Variants in LRRC1 observed in about 807,000 individuals in gnomAD.
The protein encoded by LRRC1 is leucine rich repeat containing 1.
In LRRC1, 28 loss-of-function variants were observed where a neutral mutation model predicts 69.9. That is an observed-to-expected ratio of 0.40 (90% CI 0.30 to 0.55). The LOEUF (loss-of-function observed/expected upper bound fraction) is 0.55, where lower values mean the gene tolerates loss of function less well. Ranked by LOEUF, LRRC1 falls within the 20% of genes least tolerant of loss-of-function variation. The probability of loss-of-function intolerance (pLI) is 0.47; values close to 1 mark genes in which losing one functional copy is unlikely to be tolerated. For missense variants in LRRC1, 498 were observed against 609.0 expected (o/e 0.82, Z 1.92); for synonymous variants, 236 against 240.2 (o/e 0.98, Z 0.16).
intron 10 of LRRC1, among the ~76,000 whole-genome samples, chr6:53,911,073 C>T (rs973626378): frequency 6.6e-6 from 1 of 152,172 alleles, no homozygotes; most frequent in Non-Finnish European, 1.5e-5. Context: ...CAATAGAGAT[C>T]AGGAGGTCAC....
At chr6:53,862,929 T>G (rs899847101) in intron 2 of LRRC1, among the ~76,000 whole-genome samples, 1 of 152,228 alleles carries the variant, frequency 6.6e-6, no homozygotes, top group African/African-American at 2.4e-5. Context: ...CAGATATTTT[T>G]AAGCAGGATT....
chr6:53,859,256 G>A (rs1766417570), intron 2 of LRRC1, among the ~76,000 whole-genome samples: 1 of 152,298 alleles, frequency 6.6e-6, no homozygotes, highest in Non-Finnish European at 1.5e-5. Context: ...TTGGATTATG[G>A]CCTGTTTTCC....
chr6:53,865,399 T>G (rs1554183554), intron 2 of LRRC1, among the ~76,000 whole-genome samples: 1 of 152,032 alleles, frequency 6.6e-6, no homozygotes, highest in Non-Finnish European at 1.5e-5. Flanking sequence ...ATGGGGAAAT[T>G]GTTTATCTTG....
chr6:53,797,140 G>T (rs1018621085), intron 1 of LRRC1, among the ~76,000 whole-genome samples: 1 of 151,762 alleles, frequency 6.6e-6, no homozygotes, highest in Non-Finnish European at 1.5e-5. Context: ...GGGGAATTCA[G>T]CTTGGCATGG....
chr6:53,895,127 C>T (rs372415708), intron 4 of LRRC1, among the ~76,000 whole-genome samples: 1 of 151,782 alleles, frequency 6.6e-6, no homozygotes. Context: ...CCGTGTTAGC[C>T]GGGATGGTCT....
In LRRC1 at chr6:53,923,360, ATTTGTT is replaced by A. The variant is rs1768795813; in HGVS notation, c.*571_*576del. The A allele has an allele frequency of 6.6e-6, 1 of 152,650 alleles. No individual in the cohort carries two copies. The highest frequency in any genetic ancestry group is 6.5e-5 in the Admixed American group (1 of 15,280). 9.5% of individuals were successfully genotyped at this position (152,650 alleles called of 1,614,324 possible). A position where few individuals can be genotyped will look rare whatever the true frequency, so the allele number is the denominator to read the frequency against. ...TGTGCAGAAAAACAAGTCCTAAAGT[ATTTGTT>A]TTTATTTGTACCATCCACTTGTGCC... is the stretch of plus-strand genomic sequence containing the variant. On this transcript the variant is annotated 3_prime_UTR_variant, in exon 14 of 14. Transcript: ENST00000370888.
At position 53,811,078 on chromosome 6, in the gene LRRC1, G is replaced by A. The variant is rs187306669; in HGVS notation, c.159+15663G>A. ...TTAATCACAGAAATGCTCAAAAAGC[G>A]TATTTTTTTCATTAAAAAATATATT... On this transcript the variant is annotated intron_variant, in intron 1 of 13. Coordinates refer to ENST00000370888, the MANE Select transcript of LRRC1 (RefSeq NM_018214.5). 5.9e-5 allele frequency among the ~76,000 whole-genome samples: 9 copies of A among 152,254 alleles called. No individual in the cohort carries two copies. In the East Asian group the frequency reaches 9.6e-4, roughly 16 times the overall value.
intron 7 of LRRC1, 56 bp from the exon 8 acceptor site, chr6:53,899,691 C>T (rs1562066107): frequency 2.6e-6 from 4 of 1,557,302 alleles, no homozygotes; most frequent in Non-Finnish European, 3.5e-6. Context: ...GGAACAAATG[C>T]CTCTGCACTG....
chr6:53,804,959 C>T (rs545490174), intron 1 of LRRC1, among the ~76,000 whole-genome samples: 10 of 152,036 alleles, frequency 6.6e-5, no homozygotes, highest in Admixed American at 3.3e-4. Flanking sequence ...TACACATTCC[C>T]GATTCTTGAC....
chr6:53,894,912 A>G (rs970144167), intron 4 of LRRC1, among the ~76,000 whole-genome samples: 2 of 151,518 alleles, frequency 1.3e-5, no homozygotes, highest in African/African-American at 4.8e-5. Context: ...TCATGGTGAC[A>G]TATTAGCGGG....
chr6:53,843,874 C>T (rs537486090), intron 2 of LRRC1, among the ~76,000 whole-genome samples: 1 of 152,216 alleles, frequency 6.6e-6, no homozygotes, highest in Admixed American at 6.5e-5. Flanking sequence ...TGACTTTTGC[C>T]CCTGCTGCAG....
At chr6:53,840,913 T>C (rs1363897153) in intron 1 of LRRC1, among the ~76,000 whole-genome samples, 2 of 144,408 alleles carry the variant, frequency 1.4e-5, no homozygotes, top group African/African-American at 5.0e-5. Flanking sequence ...TGTGTGTGTG[T>C]GTGTGTGTGT....
intron 8 of LRRC1, among the ~76,000 whole-genome samples, chr6:53,900,230 G>A (rs530040944): frequency 6.6e-6 from 1 of 151,810 alleles, no homozygotes; most frequent in Non-Finnish European, 1.5e-5. Context: ...GTAGAGACGG[G>A]GTTTCACCCT....
intron 1 of LRRC1, among the ~76,000 whole-genome samples, chr6:53,811,595 A>G (rs1764795533): frequency 6.6e-6 from 1 of 152,264 alleles, no homozygotes; most frequent in Non-Finnish European, 1.5e-5. Context: ...TAAAATACTA[A>G]TAGCAGCTCT....
At chr6:53,795,796 C>G (rs1050302846) in intron 1 of LRRC1, among the ~76,000 whole-genome samples, 3 of 152,224 alleles carry the variant, frequency 2.0e-5, no homozygotes, top group Non-Finnish European at 4.4e-5. Flanking sequence ...TCCTCCCCCC[C>G]TCCACTCCCC....
chr6:53,801,525 A>G (rs139312081), intron 1 of LRRC1, among the ~76,000 whole-genome samples: 36 of 152,282 alleles, frequency 2.4e-4, no homozygotes, highest in Middle Eastern at 3.4e-3. Flanking sequence ...TGATCTATAC[A>G]TTTCTCAAGC....
At chr6:53,845,763 G>C (rs2127417516) in intron 2 of LRRC1, among the ~76,000 whole-genome samples, 1 of 152,350 alleles carries the variant, frequency 6.6e-6, no homozygotes, top group African/African-American at 2.4e-5. Context: ...AGTAGATCCA[G>C]AGTGGATCTG....
intron 2 of LRRC1, among the ~76,000 whole-genome samples, chr6:53,873,111 T>A (rs1766949282): frequency 6.6e-6 from 1 of 152,082 alleles, no homozygotes; most frequent in African/African-American, 2.4e-5. Context: ...TTTATTTATA[T>A]CCTCTTCAAT....
intron 2 of LRRC1, among the ~76,000 whole-genome samples, chr6:53,852,655 T>C (rs951901191): frequency 1.3e-5 from 2 of 152,202 alleles, no homozygotes; most frequent in African/African-American, 2.4e-5. Context: ...TTCATTGTTT[T>C]TGGAGTTTAT....
Sources: gnomAD v4.1 joint callset for allele counts (sites outside exome capture counted in the v4.1 genomes callset) on GRCh38, gnomAD v4.1.1 for gene constraint, MANE v1.5 for transcripts, NCBI Gene and HGNC (gene_info 2026-07-23, HGNC 2026-07-21) for gene names.